Variants in DYNC2I1 observed in about 807,000 individuals in gnomAD.
DYNC2I1 encodes the protein cytoplasmic dynein 2 intermediate chain 1.
Under a neutral mutation model 133.4 loss-of-function variants are expected in DYNC2I1, and 89 were observed. The ratio of observed to expected loss-of-function variants is 0.67; its 90% confidence interval spans 0.56 to 0.80. The LOEUF is 0.80. Among genes scored for constraint, DYNC2I1 ranks in the 30% least tolerant of loss-of-function variants. The probability of loss-of-function intolerance (pLI) is 0.00; values close to 1 mark genes in which losing one functional copy is unlikely to be tolerated. For synonymous variants in DYNC2I1, 504 were observed against 484.3 expected (o/e 1.04, Z -0.54); for missense variants, 1,291 against 1,314.5 (o/e 0.98, Z 0.28).
chr7:158,912,552 C>T (rs901027411), intron 12 of DYNC2I1, among the ~76,000 whole-genome samples: 4 of 152,116 alleles, frequency 2.6e-5, no homozygotes, highest in Admixed American at 1.3e-4. Flanking sequence ...TTGAACTCCT[C>T]GGACACTGAC....
At chr7:158,905,537 C>G (rs995598897) in intron 10 of DYNC2I1, among the ~76,000 whole-genome samples, 1 of 152,214 alleles carries the variant, frequency 6.6e-6, no homozygotes, top group African/African-American at 2.4e-5. Flanking sequence ...TCTGAGGAAG[C>G]TCATGCCTTC....
At chr7:158,948,332 T>G (rs916603284), downstream of DYNC2I1, among the ~76,000 whole-genome samples, 5 of 152,264 alleles carry the variant, frequency 3.3e-5, no homozygotes, top group Non-Finnish European at 7.3e-5. Flanking sequence ...CTGAGCGCTT[T>G]CTTCCAAGGC....
At chr7:158,951,787 T>C (rs1334273400) in intron 4 of DYNC2I1, among the ~76,000 whole-genome samples, 1 of 152,194 alleles carries the variant, frequency 6.6e-6, no homozygotes, top group African/African-American at 2.4e-5. Context: ...AGGAGCATGT[T>C]CTTCTCCAGT....
chr7:158,851,029 A>G, the DYNC2I1 span, among the ~76,000 whole-genome samples: 4 of 151,746 alleles, frequency 2.6e-5, no homozygotes, highest in African/African-American at 9.7e-5. Flanking sequence ...TAGTTAAAGA[A>G]GAGTCAAGGA....
At chr7:158,952,126 CAGA>C (rs893364191) in intron 4 of DYNC2I1, among the ~76,000 whole-genome samples, 3 of 152,182 alleles carry the variant, frequency 2.0e-5, no homozygotes, top group African/African-American at 7.2e-5. Flanking sequence ...AATCCACCAG[CAGA>C]AGAAGAGCCC....
Position 158,934,563 on chromosome 7 carries a change from T to G in DYNC2I1, c.2778+14T>G, listed in dbSNP as rs1300266538. ...CCAATATTTTTGGTAAGAAAGTTTG[T>G]TTTTCAGAGCTCCAATTCTTCTTTT... On this transcript the variant is annotated intron_variant, in intron 23 of 24. Transcript: ENST00000407559. 6.5e-7 allele frequency: 1 copy of G among 1,549,806 alleles called. No homozygotes were observed. Among genetic ancestry groups the G allele is most frequent in the Admixed American group, 2.0e-5 (1 of 50,590 alleles).
Position 158,902,578 on chromosome 7 carries a change from A to G in DYNC2I1, c.1340A>G (p.Glu447Gly). 6.2e-7 allele frequency: 1 copy of G among 1,613,940 alleles called. No individual in the cohort carries two copies. The highest frequency in any genetic ancestry group is 2.2e-5 in the East Asian group (1 of 44,890). ...LFQKRGRTEF[E>G]KEPRTDTNSS... ...CAGAAGCGAGGTAGAACAGAATTTG[A>G]AAAGGAGCCCAGGACAGGTAAACAA... Residue 447 changes from glutamate to glycine, a missense_variant, in exon 10 of 25, where the codon GAA becomes GGA. Transcript: ENST00000407559.
intron 8 of DYNC2I1, among the ~76,000 whole-genome samples, chr7:158,894,752 T>G (rs922105785): frequency 6.6e-5 from 10 of 152,194 alleles, no homozygotes; most frequent in Non-Finnish European, 2.9e-5. Context: ...TGTTTAGTTT[T>G]GTTGATAAAT....
At chr7:158,859,497 T>C (rs753199144) in intron 1 of DYNC2I1, among the ~76,000 whole-genome samples, 2 of 152,142 alleles carry the variant, frequency 1.3e-5, no homozygotes, top group African/African-American at 2.4e-5. Context: ...GATACATATT[T>C]AATACATAAA....
intron 4 of DYNC2I1, among the ~76,000 whole-genome samples, chr7:158,878,690 G>A (rs1208542315): frequency 2.1e-5 from 3 of 143,990 alleles, no homozygotes; most frequent in Admixed American, 6.9e-5. Context: ...AGGGTTGACT[G>A]TGAGTGCTGG....
At chr7:158,873,194 A>G (rs1466719747) in intron 3 of DYNC2I1, among the ~76,000 whole-genome samples, 2 of 152,036 alleles carry the variant, frequency 1.3e-5, no homozygotes, top group East Asian at 1.9e-4. Context: ...TTCCTCCCCA[A>G]ATGGAAATTT....
intron 7 of DYNC2I1, among the ~76,000 whole-genome samples, chr7:158,888,574 C>T (rs973782371): frequency 4.0e-5 from 6 of 151,442 alleles, no homozygotes; most frequent in South Asian, 2.1e-4. Context: ...TGGGTTCAAG[C>T]GATTCGTGCC....
chr7:158,902,926 T>C, intron 10 of DYNC2I1: 1 of 251,818 alleles, frequency 4.0e-6, no homozygotes. Flanking sequence ...GCTGTGGCCC[T>C]CCTCAGTGGG....
At chr7:158,895,690 C>T (rs780793696) in intron 8 of DYNC2I1, among the ~76,000 whole-genome samples, 8 of 152,106 alleles carry the variant, frequency 5.3e-5, no homozygotes, top group Non-Finnish European at 7.4e-5. Context: ...ATTTCTATTG[C>T]GATTGCATGG....
At chr7:158,884,466 A>G in intron 5 of DYNC2I1, 98 bp from the exon 6 acceptor site, 1 of 1,156,662 alleles carries the variant, frequency 8.6e-7, no homozygotes, top group Non-Finnish European at 1.2e-6. Flanking sequence ...CTGTTGTTAA[A>G]TTTTGAATCT....
At chr7:158,852,568 G>T (rs920908157), upstream of DYNC2I1, among the ~76,000 whole-genome samples, 1 of 151,580 alleles carries the variant, frequency 6.6e-6, no homozygotes, top group African/African-American at 2.4e-5. Context: ...GTGAAACCCC[G>T]TGTCTACCAA....
At chr7:158,919,259 T>G (rs41271223) in intron 15 of DYNC2I1, among the ~76,000 whole-genome samples, 11,337 of 152,260 alleles carry the variant, frequency 0.074, 562 homozygotes, top group Non-Finnish European at 0.11. Context: ...AGATCAAAGT[T>G]GTGTTAATAG....
In DYNC2I1 at chr7:158,913,018, AG is replaced by A; in HGVS notation, c.1625del (p.Arg542LysfsTer8). 6.2e-7 allele frequency: 1 copy of A among 1,613,464 alleles called. No homozygotes were observed. The highest frequency in any genetic ancestry group is 1.1e-5 in the South Asian group (1 of 90,960). On this transcript the variant is annotated frameshift_variant, in exon 13 of 25. Transcript: ENST00000407559. LOFTEE classifies it high-confidence loss of function. ...TCAGTGTAACGAAGATAATGTTGAA[AG>A]AGACATTCAAACGGAGGAAATAGAG... is the stretch of plus-strand genomic sequence containing the variant. ...YVQCNEDNVE[R>X]DIQTEEIETR...
At chr7:158,934,391 A>T in intron 22 of DYNC2I1, 27 bp from the exon 23 acceptor site, 1 of 1,599,870 alleles carries the variant, frequency 6.3e-7, no homozygotes. Context: ...GCACTCGTTC[A>T]GTCACTCTTG....
Sources: gnomAD v4.1 joint callset for allele counts (sites outside exome capture counted in the v4.1 genomes callset) on GRCh38, gnomAD v4.1.1 for gene constraint, MANE v1.5 for transcripts, NCBI Gene and HGNC (gene_info 2026-07-23, HGNC 2026-07-21) for gene names.